The following ZNF626 variants were observed in gnomAD, a reference collection of about 807,000 sequenced individuals.
ZNF626 encodes the protein CTC-513N18.7.
In ZNF626, 4 loss-of-function variants were observed where a neutral mutation model predicts 11.7. The ratio of observed to expected loss-of-function variants is 0.34; its 90% confidence interval spans 0.17 to 0.78. The LOEUF (loss-of-function observed/expected upper bound fraction) is 0.78. ZNF626 is among the 30% of genes least tolerant of loss of function. The pLI is 0.57. For missense variants in ZNF626, 588 were observed against 587.1 expected, an observed-to-expected ratio of 1.00 and a Z score of -0.01; for synonymous variants, 179 against 198.6, an observed-to-expected ratio of 0.90 and a Z score of 0.83.
intron 3 of ZNF626, among the ~76,000 whole-genome samples, chr19:20,637,715 T>G (rs1450468886): frequency 6.6e-6 from 1 of 151,424 alleles, no homozygotes; most frequent in Non-Finnish European, 1.5e-5. Flanking sequence ...AAATAATGCA[T>G]GCCAGTACAA....
rs1969753086 is a variant in ZNF626 at position 20,621,118 on chromosome 19, C to G, written c.*3172G>C. 2 of 840 alleles carry G rather than the reference C, an allele frequency of 2.4e-3. No homozygotes were observed. The highest frequency in any genetic ancestry group is 0.091 in the South Asian group (2 of 22). 0.1% of individuals were successfully genotyped at this position (840 alleles called of 1,614,324 possible). ...AAAGTGCTGGGATTACAGGTGTAAG[C>G]CACTGTCCTGGCTTTTTTCTTTCTT... On this transcript the variant is annotated 3_prime_UTR_variant, in exon 4 of 4. Coordinates refer to ENST00000601440, the MANE Select transcript of ZNF626 (RefSeq NM_001076675.3).
chr19:20,637,130 A>C (rs1969975097), intron 3 of ZNF626, among the ~76,000 whole-genome samples: 1 of 152,052 alleles, frequency 6.6e-6, no homozygotes, highest in Non-Finnish European at 1.5e-5. Context: ...CAAAAAACAA[A>C]ATCGAAATGA....
In ZNF626 at chr19:20,650,220, T is replaced by G. The variant is rs982597108; in HGVS notation, c.4-3815A>C. Among the ~76,000 whole-genome samples the G allele has an allele frequency of 5.9e-5, 9 of 151,650 alleles. No individual in the cohort carries two copies. The East Asian group carries it at 1.8e-3, about 30-fold the overall frequency. The stretch of plus-strand genomic sequence containing the variant: ...AAGGGCCCAGGATTTTTATTGCTTC[T>G]TCTGTTTCTCTGCCATCAAATTTGT... On this transcript the variant is annotated intron_variant, in intron 1 of 3. Coordinates refer to ENST00000601440, the MANE Select transcript of ZNF626 (RefSeq NM_001076675.3).
chr19:20,653,500 A>G (rs1555772768), intron 1 of ZNF626, among the ~76,000 whole-genome samples: 3 of 151,990 alleles, frequency 2.0e-5, no homozygotes, highest in Admixed American at 1.3e-4. Context: ...TGACAAATAA[A>G]CTTTTCACCT....
intron 3 of ZNF626, among the ~76,000 whole-genome samples, chr19:20,633,940 CT>C (rs1969938433): frequency 3.3e-5 from 5 of 152,154 alleles, no homozygotes; most frequent in Admixed American, 3.3e-4. Context: ...CTCCTCCCCC[CT>C]CATGTAAATA....
chr19:20,657,876 TTATTTA>T (rs1395015876), intron 1 of ZNF626, among the ~76,000 whole-genome samples: 27 of 152,144 alleles, frequency 1.8e-4, no homozygotes, highest in African/African-American at 6.0e-4. Flanking sequence ...ATGCATGTTA[TTATTTA>T]TAAGTAAGAG....
chr19:20,633,229 G>A (rs1969928223), intron 3 of ZNF626, among the ~76,000 whole-genome samples: 1 of 152,322 alleles, frequency 6.6e-6, no homozygotes, highest in East Asian at 1.9e-4. Flanking sequence ...CTACTTGGGG[G>A]TCAGGGACCC....
chr19:20,652,463 C>T (rs1357665485), intron 1 of ZNF626, among the ~76,000 whole-genome samples: 4 of 152,140 alleles, frequency 2.6e-5, no homozygotes, highest in Non-Finnish European at 5.9e-5. Flanking sequence ...AAGAGAAACA[C>T]AGAGTGGGCA....
intron 1 of ZNF626, among the ~76,000 whole-genome samples, chr19:20,657,754 G>C (rs1220404273): frequency 2.6e-5 from 4 of 151,204 alleles, no homozygotes; most frequent in African/African-American, 9.7e-5. Flanking sequence ...GCGGTGAGCC[G>C]AGGTGGCACA....
intron 1 of ZNF626, among the ~76,000 whole-genome samples, chr19:20,648,004 C>G (rs1460873004): frequency 2.0e-5 from 3 of 151,570 alleles, no homozygotes; most frequent in Non-Finnish European, 4.4e-5. Flanking sequence ...CATGGTATAA[C>G]CCCATCTCTA....
intron 1 of ZNF626, among the ~76,000 whole-genome samples, chr19:20,656,459 A>C (rs782674124): frequency 1.3e-5 from 2 of 152,192 alleles, no homozygotes; most frequent in African/African-American, 2.4e-5. Context: ...TAAACTAAAG[A>C]GCTTCTTCAC....
At chr19:20,643,016 A>G (rs1429040814) in intron 3 of ZNF626, among the ~76,000 whole-genome samples, 1 of 152,110 alleles carries the variant, frequency 6.6e-6, no homozygotes, top group Non-Finnish European at 1.5e-5. Flanking sequence ...TTCTCAAAAA[A>G]AAAAAAAAAA....
chr19:20,639,331 C>A (rs1381378834), intron 3 of ZNF626, among the ~76,000 whole-genome samples: 1 of 152,156 alleles, frequency 6.6e-6, no homozygotes, highest in Non-Finnish European at 1.5e-5. Flanking sequence ...TATTATAGAC[C>A]AACTAGGCTT....
At position 20,621,612 on chromosome 19, in the gene ZNF626, G is replaced by GA. The variant is rs1555768745; in HGVS notation, c.*2677dup. Reference sequence around the variant, plus strand: ...TGTAATTACTACATATTGTATGCCTGAATCAAAATATTCTCTATAAGACAT... The same window carrying GA: ...TGTAATTACTACATATTGTATGCCTGAAATCAAAATATTCTCTATAAGACAT... On this transcript the variant is annotated 3_prime_UTR_variant, in exon 4 of 4. Transcript: ENST00000601440. 5 of 152,116 alleles carry GA rather than the reference G, an allele frequency of 3.3e-5. No homozygotes were observed. In the South Asian group the frequency reaches 1.0e-3, roughly 32 times the overall value. 9.4% of individuals were successfully genotyped at this position (152,116 alleles called of 1,614,324 possible). A position where few individuals can be genotyped will look rare whatever the true frequency, so the allele number is the denominator to read the frequency against.
intron 3 of ZNF626, among the ~76,000 whole-genome samples, chr19:20,636,179 C>T (rs1241122960): frequency 6.6e-6 from 1 of 152,010 alleles, no homozygotes; most frequent in Non-Finnish European, 1.5e-5. Context: ...TTACACCATA[C>T]CTACAAAACA....
At chr19:20,656,542 T>C (rs1159524022) in intron 1 of ZNF626, among the ~76,000 whole-genome samples, 3 of 152,152 alleles carry the variant, frequency 2.0e-5, no homozygotes, top group Non-Finnish European at 4.4e-5. Flanking sequence ...ACGTTGTCTA[T>C]GACAAAGGTC....
At chr19:20,629,904 T>C (rs1268244733) in intron 3 of ZNF626, among the ~76,000 whole-genome samples, 1 of 152,204 alleles carries the variant, frequency 6.6e-6, no homozygotes, top group African/African-American at 2.4e-5. Flanking sequence ...AGTATGATAT[T>C]GGCTGTGGGT....
chr19:20,630,398 C>T (rs1337771774), intron 3 of ZNF626, among the ~76,000 whole-genome samples: 1 of 141,620 alleles, frequency 7.1e-6, no homozygotes, highest in Non-Finnish European at 1.5e-5. Context: ...GGCTGTGAAT[C>T]CATCTGGTCC....
intron 1 of ZNF626, among the ~76,000 whole-genome samples, chr19:20,649,344 A>G (rs1400990773): frequency 1.3e-5 from 2 of 152,156 alleles, no homozygotes; most frequent in Non-Finnish European, 2.9e-5. Flanking sequence ...TAAAAATATA[A>G]ATTTCTCTTT....
Sources: allele counts gnomAD v4.1 joint callset (sites outside exome capture counted in the v4.1 genomes callset), GRCh38; gene constraint gnomAD v4.1.1; transcripts MANE v1.5; gene names NCBI Gene and HGNC (gene_info 2026-07-23, HGNC 2026-07-21).